The following ZNF837 variants were observed in gnomAD, a reference collection of about 807,000 sequenced individuals.
The protein encoded by ZNF837 is zinc finger protein 837.
For missense variants in ZNF837, 955 were observed against 801.7 expected (o/e 1.19, Z -2.31); for synonymous variants, 475 against 365.2 (o/e 1.30, Z -3.43).
intron 1 of ZNF837, among the ~76,000 whole-genome samples, chr19:58,373,201 C>T (rs934940425): frequency 2.6e-5 from 4 of 152,184 alleles, no homozygotes; most frequent in East Asian, 1.9e-4. Flanking sequence ...CCAAAGGCGC[C>T]GATCCTTCCT....
Position 58,367,893 on chromosome 19 carries a change from G to C in ZNF837, c.1440C>G (p.Cys480Trp). 1.3e-6 allele frequency: 2 copies of C among 1,534,704 alleles called. No individual in the cohort carries two copies. Among genetic ancestry groups the C allele is most frequent in the Non-Finnish European group, 1.7e-6 (2 of 1,144,020 alleles). Residue 480 changes from cysteine to tryptophan, a missense_variant, in exon 3 of 3, where the codon TGC becomes TGG. By Grantham distance (215) the Cys-to-Trp change is radical. Transcript: ENST00000597582. ...TGCAGTTGCGCACGAAGGCCTTGCC[G>C]CAGTCGCGGCAGATGTAGGGCTTCT... is the stretch of plus-strand genomic sequence containing the variant. ...SGEKPYICRD[C>W]GKAFVRNCSL...
rs772391160 is a variant in ZNF837, at chr19:58,368,055, C to G, written c.1278G>C (p.Lys426Asn). The stretch of plus-strand genomic sequence containing the variant: ...CCAGGCCCGAGCGGCCCTTGAAGGC[C>G]TTTTCGCACAGTGGGCACGCGTAGG... ...AKPYACPLCEKAFKGRSGLVQ... is the reference protein window; with the variant it reads ...AKPYACPLCENAFKGRSGLVQ... The change falls in exon 3 of 3, where the codon AAG becomes AAC. Residue 426 changes from lysine (K) to asparagine (N), a missense_variant. Transcript: ENST00000597582. 1.9e-6 allele frequency: 3 copies of G among 1,541,596 alleles called. No homozygotes were observed. The South Asian group carries it at 3.6e-5, about 18-fold the overall frequency.
chr19:58,368,282 T>C lies in ZNF837; in HGVS notation c.1051A>G (p.Ser351Gly). 6.8e-7 allele frequency: 1 copy of C among 1,480,604 alleles called. No homozygotes were observed. The allele number at this position is 1,480,604 out of a possible 1,614,324, so 91.7% of individuals were successfully genotyped here. Reference sequence around the variant, plus strand: ...CCGGCTCCCGACCCCCGTCGGGGACTCCGCTCGCTGTAGTCCCCGCAGGGC... The same window carrying C: ...CCGGCTCCCGACCCCCGTCGGGGACCCCGCTCGCTGTAGTCCCCGCAGGGC... ...CPPCGDYSERSPRRGSGAGEK... is the reference protein window; with the variant it reads ...CPPCGDYSERGPRRGSGAGEK... Residue 351 changes from serine to glycine, a missense_variant, in exon 3 of 3, where the codon AGT becomes GGT. Coordinates refer to ENST00000597582, the MANE Select transcript of ZNF837 (RefSeq NM_138466.2).
intron 1 of ZNF837, among the ~76,000 whole-genome samples, chr19:58,378,136 G>C (rs1391806051): frequency 6.6e-6 from 1 of 152,184 alleles, no homozygotes; most frequent in African/African-American, 2.4e-5. Flanking sequence ...TGCCAGGCTG[G>C]GATCTGAGGT....
chr19:58,369,221 C>A lies in ZNF837; in HGVS notation c.112G>T (p.Asp38Tyr). Residue 38 changes from aspartate to tyrosine, a missense_variant, in exon 3 of 3, where the codon GAC (aspartate) becomes TAC (tyrosine). Asp to Tyr is a radical substitution (Grantham distance 160). Transcript: ENST00000597582. ...RPEEPRPLEE[D>Y]RAGSRPTQKG... ...TGAGTGGGGCGGCTCCCAGCTCGGT[C>A]CTCTTCGAGGGGCCTCGGCTCCTCG... The A allele has an allele frequency of 1.4e-6, 2 of 1,438,446 alleles. No individual in the cohort carries two copies. The highest frequency in any genetic ancestry group is 1.8e-6 in the Non-Finnish European group (2 of 1,098,654). The allele number at this position is 1,438,446 out of a possible 1,614,324, so 89.1% of individuals were successfully genotyped here. A position where few individuals can be genotyped will look rare whatever the true frequency, so the allele number is the denominator to read the frequency against.
intron 1 of ZNF837, among the ~76,000 whole-genome samples, chr19:58,371,706 CTCT>C (rs1477207602): frequency 1.6e-5 from 2 of 123,108 alleles, no homozygotes; most frequent in Non-Finnish European, 1.9e-5. Context: ...GGCAGATATC[CTCT>C]TATTTTATTT....
Position 58,372,199 on chromosome 19 carries a change from C to A in ZNF837, c.-139-2271G>T, listed in dbSNP as rs192818232. Among the ~76,000 whole-genome samples, 335 of 152,166 alleles carry A rather than the reference C, an allele frequency of 2.2e-3. 1 individual carries two copies. Among genetic ancestry groups the A allele is most frequent in the African/African-American group, 7.8e-3 (323 of 41,518 alleles). On this transcript the variant is annotated intron_variant, in intron 1 of 2. Transcript: ENST00000597582. ...CCTCCTGAGTAGCTGGGATTATAGG[C>A]ATTCACCACCAAGCCCGGCTAATTT...
chr19:58,378,890 C>T (rs1012582374), intron 1 of ZNF837, among the ~76,000 whole-genome samples: 2 of 152,108 alleles, frequency 1.3e-5, no homozygotes, highest in Non-Finnish European at 2.9e-5. Context: ...AAGGAACACC[C>T]GGAGCCGCCA....
rs1179787373 is a variant in ZNF837 at position 58,368,650 on chromosome 19, G to C, written c.683C>G (p.Ala228Gly). Residue 228 changes from alanine to glycine, a missense_variant, in exon 3 of 3, where the codon GCC (alanine) becomes GGC (glycine). By Grantham distance (60) the Ala-to-Gly change is moderately conservative. Transcript: ENST00000597582. ...GGGGCGGAAGCGCTTCCCGCACCGG[G>C]CACACGGACGGGGCTCCTCCGTCGC... ...LQATEEPRPC[A>G]RCGKRFRPNQ... is the part of the protein sequence containing the mutation. 7 of 1,529,384 alleles carry C rather than the reference G, an allele frequency of 4.6e-6. No homozygotes were observed. Among genetic ancestry groups the C allele is most frequent in the Non-Finnish European group, 6.1e-6 (7 of 1,142,728 alleles). The allele number at this position is 1,529,384 out of a possible 1,614,324, so 94.7% of individuals were successfully genotyped here.
chr19:58,376,428 G>A (rs1318904028), intron 1 of ZNF837, among the ~76,000 whole-genome samples: 1 of 150,912 alleles, frequency 6.6e-6, no homozygotes, highest in East Asian at 2.0e-4. Flanking sequence ...GGTGGCAGGC[G>A]CCTGTAGTCC....
Position 58,368,712 on chromosome 19 carries a change from C to T in ZNF837, c.621G>A (p.Ala207=), listed in dbSNP as rs1380135580. The part of the protein sequence containing the change: ...PRACACGEAF[A]WRALRIPQER... ...CCTGGGGGATCCGCAGGGCCCTCCA[C>T]GCAAAGGCCTCGCCGCACGCGCAAG... The change falls in exon 3 of 3, where the codon GCG becomes GCA. Residue 207 remains alanine, a synonymous_variant. Transcript: ENST00000597582. The T allele has an allele frequency of 3.3e-6, 5 of 1,535,272 alleles. No homozygotes were observed. Among genetic ancestry groups the T allele is most frequent in the Non-Finnish European group, 3.5e-6 (4 of 1,145,764 alleles).
At chr19:58,376,381 T>C (rs2052245962) in intron 1 of ZNF837, among the ~76,000 whole-genome samples, 1 of 150,364 alleles carries the variant, frequency 6.7e-6, no homozygotes, top group South Asian at 2.1e-4. Context: ...TGAAACCCCA[T>C]CTCTACTAAA....
intron 1 of ZNF837, among the ~76,000 whole-genome samples, chr19:58,371,113 C>T (rs1162819957): frequency 1.3e-5 from 2 of 151,028 alleles, no homozygotes; most frequent in Non-Finnish European, 2.9e-5. Context: ...TGGTGGCGGG[C>T]GCCTGTAGTC....
Position 58,369,285 on chromosome 19 carries a change from G to A in ZNF837, c.48C>T (p.Ala16=), listed in dbSNP as rs1445530537. 3 of 1,394,996 alleles carry A rather than the reference G, an allele frequency of 2.2e-6. No individual in the cohort carries two copies. The highest frequency in any genetic ancestry group is 1.6e-5 in the South Asian group (1 of 61,842). 86.4% of individuals were successfully genotyped at this position (1,394,996 alleles called of 1,614,324 possible). The change falls in exon 3 of 3, where the codon GCC becomes GCT. Residue 16 remains alanine (A), a synonymous_variant. Coordinates refer to ENST00000597582, the MANE Select transcript of ZNF837 (RefSeq NM_138466.2). The part of the protein sequence containing the change: ...QKAGQGGLPK[A]DAQGASGARE... ...GGGCCCCGGAGGCACCCTGGGCATC[G>A]GCCTTGGGGAGTCCTCCCTGCCCAG...
intron 1 of ZNF837, among the ~76,000 whole-genome samples, chr19:58,371,361 T>A (rs1703483601): frequency 1.3e-5 from 2 of 152,114 alleles, no homozygotes; most frequent in South Asian, 4.1e-4. Flanking sequence ...TAAGCTGGGA[T>A]TGGGCCACTG....
At position 58,368,594 on chromosome 19, in the gene ZNF837, G is replaced by C. The variant is rs2052166221; in HGVS notation, c.739C>G (p.Pro247Ala). 6.5e-7 allele frequency: 1 copy of C among 1,535,602 alleles called. No individual in the cohort carries two copies. The highest frequency in any genetic ancestry group is 1.2e-5 in the South Asian group (1 of 83,756). ...NQQQQAGKSP[P>A]VCPECGQTSR... ...GTTTGGCCGCACTCAGGACACACTG[G>C]GGGACTCTTGCCCGCCTGCTGCTGC... The change falls in exon 3 of 3, where the codon CCA becomes GCA. Residue 247 changes from proline to alanine, a missense_variant. Physicochemically the swap from Pro to Ala is conservative, Grantham distance 27. Coordinates refer to ENST00000597582, the MANE Select transcript of ZNF837 (RefSeq NM_138466.2).
At position 58,376,955 on chromosome 19, in the gene ZNF837, T is replaced by C. The variant is rs1028523927; in HGVS notation, c.-140+3986A>G. On this transcript the variant is annotated intron_variant, in intron 1 of 2. Transcript: ENST00000597582. ...AAAAATGGCCGGACGTGGTGACTCA[T>C]GCCTGTAATCCCAACACTTTGGGAG... 4.3e-3 allele frequency among the ~76,000 whole-genome samples: 643 copies of C among 149,728 alleles called. 4 individuals carry two copies. Among genetic ancestry groups the C allele is most frequent in the African/African-American group, 0.014 (579 of 40,738 alleles).
At chr19:58,369,629 C>T (rs2148015179) in intron 2 of ZNF837, 190 bp downstream of exon 2, 1 of 296,544 alleles carries the variant, frequency 3.4e-6, no homozygotes, top group East Asian at 5.3e-5. Context: ...ACACTGTGCC[C>T]CTGGCTAAGG....
intron 1 of ZNF837, among the ~76,000 whole-genome samples, chr19:58,379,745 G>A (rs545918475): frequency 6.6e-6 from 1 of 152,342 alleles, no homozygotes; most frequent in East Asian, 1.9e-4. Flanking sequence ...CAGAACTGCA[G>A]AGCAACAGCA....
Sources: gnomAD v4.1 joint callset for allele counts (sites outside exome capture counted in the v4.1 genomes callset) on GRCh38, gnomAD v4.1.1 for gene constraint, MANE v1.5 for transcripts, NCBI Gene and HGNC (gene_info 2026-07-23, HGNC 2026-07-21) for gene names.